Variants in TBCA observed in about 807,000 individuals in gnomAD.
TBCA encodes tubulin folding cofactor A.
TBCA carries 6 observed loss-of-function variants against 15.8 expected under a neutral mutation model. That is an observed-to-expected ratio of 0.38 (90% CI 0.21 to 0.75). The LOEUF is 0.75. Ranked by LOEUF, TBCA falls within the 30% of genes least tolerant of loss-of-function variation. The pLI, the probability that TBCA is intolerant of heterozygous loss-of-function variation, is 0.46. For synonymous variants in TBCA, 32 were observed against 42.3 expected (o/e 0.76, Z 0.94); for missense variants, 90 against 131.2 (o/e 0.69, Z 1.53).
intron 1 of TBCA, among the ~76,000 whole-genome samples, chr5:77,749,742 T>G (rs1713796381): frequency 6.6e-6 from 1 of 152,224 alleles, no homozygotes; most frequent in South Asian, 2.1e-4. Flanking sequence ...TCTGCCAATT[T>G]GTAAAGCAAC....
intron 2 of TBCA, among the ~76,000 whole-genome samples, chr5:77,703,403 G>A (rs1746070245): frequency 6.6e-6 from 1 of 152,112 alleles, no homozygotes. Context: ...CCTAATTGGT[G>A]GAGAAGAAGA....
At chr5:77,722,083 G>A (rs1746541797) in intron 1 of TBCA, among the ~76,000 whole-genome samples, 1 of 152,004 alleles carries the variant, frequency 6.6e-6, no homozygotes, top group South Asian at 2.1e-4. Flanking sequence ...CTGTTGTTCT[G>A]CAGTCTTCCT....
intron 1 of TBCA, chr5:77,715,407 G>A (rs931792466): frequency 4.9e-6 from 3 of 614,156 alleles, no homozygotes; most frequent in Non-Finnish European, 5.8e-6. Context: ...GAGCTCTTAT[G>A]AAAACATCTT....
At chr5:77,721,707 C>T (rs1746533252) in intron 1 of TBCA, among the ~76,000 whole-genome samples, 1 of 152,068 alleles carries the variant, frequency 6.6e-6, no homozygotes, top group African/African-American at 2.4e-5. Context: ...TGGCATAGAG[C>T]TGTACTTGAC....
At chr5:77,701,726 T>TATATATATATA (rs1580092886) in intron 2 of TBCA, among the ~76,000 whole-genome samples, 4 of 128,356 alleles carry the variant, frequency 3.1e-5, no homozygotes, top group East Asian at 2.3e-4. Context: ...TATATATATA[T>TATATATATATA]GATGGAATAC....
At chr5:77,726,556 T>C (rs1746634635) in intron 1 of TBCA, among the ~76,000 whole-genome samples, 1 of 152,214 alleles carries the variant, frequency 6.6e-6, no homozygotes, top group South Asian at 2.1e-4. Flanking sequence ...CTATTGGATG[T>C]ATTTATGAGG....
At chr5:77,775,616 G>A (rs909255748) in intron 1 of TBCA, among the ~76,000 whole-genome samples, 3 of 152,198 alleles carry the variant, frequency 2.0e-5, no homozygotes, top group Admixed American at 2.0e-4. Context: ...GCGAGCTTCG[G>A]GGAATCTGAC....
chr5:77,730,131 G>A (rs2112466586), intron 1 of TBCA, among the ~76,000 whole-genome samples: 1 of 152,312 alleles, frequency 6.6e-6, no homozygotes, highest in Non-Finnish European at 1.5e-5. Flanking sequence ...GTATTGGATT[G>A]AATGTTACCC....
chr5:77,715,425 GATAGA>G, intron 1 of TBCA: 1 of 579,768 alleles, frequency 1.7e-6, no homozygotes, highest in Admixed American at 2.9e-5. Context: ...CTTTAAGAAG[GATAGA>G]ATAGATTCTA....
chr5:77,765,404 T>C (rs1747747642), intron 1 of TBCA, among the ~76,000 whole-genome samples: 1 of 152,208 alleles, frequency 6.6e-6, no homozygotes, highest in African/African-American at 2.4e-5. Flanking sequence ...GCATTTTTAG[T>C]ACTATCATAG....
At chr5:77,709,740 A>G (rs770153779) in intron 1 of TBCA, among the ~76,000 whole-genome samples, 1 of 152,248 alleles carries the variant, frequency 6.6e-6, no homozygotes, top group Admixed American at 6.5e-5. Context: ...GGATGTTTAC[A>G]GCAACATTAT....
chr5:77,763,831 G>T (rs1418712668), intron 1 of TBCA, among the ~76,000 whole-genome samples: 2 of 152,220 alleles, frequency 1.3e-5, no homozygotes, highest in East Asian at 3.8e-4. Context: ...ACTAAGATAC[G>T]CATCTTACAA....
rs994168294 is a variant in TBCA at position 77,708,257 on chromosome 5, A to G, written c.144T>C (p.Tyr48=). The G allele has an allele frequency of 2.7e-5, 43 of 1,606,844 alleles. No homozygotes were observed. Among genetic ancestry groups the G allele is most frequent in the Non-Finnish European group, 3.5e-5 (41 of 1,176,104 alleles). Residue 48 remains tyrosine, a synonymous_variant, in exon 2 of 4, where the codon TAT becomes TAC. Transcript: ENST00000380377. Reference sequence around the variant, plus strand: ...ATAATTTTACCTGCTTTTTAATGTCATAATTTTCACCGTCTTCAGCTCTCA... The same window carrying G: ...ATAATTTTACCTGCTTTTTAATGTCGTAATTTTCACCGTCTTCAGCTCTCA... ...EKMRAEDGEN[Y]DIKKQAEILQ...
In TBCA at chr5:77,691,250, A is replaced by G. The variant is rs1452889664; in HGVS notation, c.*168T>C. ...AGTATAAAATAAACAATTTTATTAG[A>G]TGAACTCATTTATTTGACATATTAA... On this transcript the variant is annotated 3_prime_UTR_variant, in exon 4 of 4. Coordinates refer to ENST00000380377, the MANE Select transcript of TBCA (RefSeq NM_004607.3). 1 of 626,634 alleles carries G rather than the reference A, an allele frequency of 1.6e-6. No individual in the cohort carries two copies. Among genetic ancestry groups the G allele is most frequent in the Admixed American group, 3.7e-5 (1 of 27,036 alleles). The allele number at this position is 626,634 out of a possible 1,614,324, so 38.8% of individuals were successfully genotyped here.
At chr5:77,714,327 C>A (rs1011605933) in intron 1 of TBCA, among the ~76,000 whole-genome samples, 26 of 151,492 alleles carry the variant, frequency 1.7e-4, no homozygotes, top group African/African-American at 6.3e-4. Flanking sequence ...CTCAAAAAAA[C>A]AAACAAAAAA....
At chr5:77,714,576 T>TTTTTA (rs1746355908) in intron 1 of TBCA, among the ~76,000 whole-genome samples, 1 of 77,114 alleles carries the variant, frequency 1.3e-5, no homozygotes, top group Non-Finnish European at 3.5e-5. Context: ...ATTATTATTA[T>TTTTTA]TTTTTTTTGA....
chr5:77,716,192 T>C (rs931653289), intron 1 of TBCA, among the ~76,000 whole-genome samples: 2 of 152,178 alleles, frequency 1.3e-5, no homozygotes, highest in African/African-American at 4.8e-5. Context: ...CAGAAATGAA[T>C]AAAATCTAAG....
At chr5:77,765,896 AAAAAG>A (rs1422995556) in intron 1 of TBCA, among the ~76,000 whole-genome samples, 2 of 151,666 alleles carry the variant, frequency 1.3e-5, no homozygotes, top group African/African-American at 4.8e-5. Context: ...AAAAAAAAAA[AAAAAG>A]AAAACTAAAC....
At chr5:77,699,764 G>A (rs181092498) in intron 2 of TBCA, among the ~76,000 whole-genome samples, 9 of 152,186 alleles carry the variant, frequency 5.9e-5, no homozygotes, top group South Asian at 2.1e-4. Flanking sequence ...TTGGCTGGGC[G>A]CGATGGCTCA....
Sources: gnomAD v4.1 joint callset for allele counts (sites outside exome capture counted in the v4.1 genomes callset) on GRCh38, gnomAD v4.1.1 for gene constraint, MANE v1.5 for transcripts, NCBI Gene and HGNC (gene_info 2026-07-23, HGNC 2026-07-21) for gene names.